PCDHGA2: variants seen among roughly 807,000 people sequenced by gnomAD.
PCDHGA2 encodes protocadherin gamma-A2.
A neutral mutation model predicts 59.2 loss-of-function variants in PCDHGA2; 40 were observed. The observed-to-expected ratio is 0.68, with a 90% CI of 0.52 to 0.88. PCDHGA2 has a LOEUF of 0.88. Ranked by LOEUF, PCDHGA2 falls within the 40% of genes least tolerant of loss-of-function variation. The pLI is 0.00. For synonymous variants in PCDHGA2, 560 were observed against 526.0 expected (o/e 1.06, Z -0.89); for missense variants, 1,226 against 1,204.0 (o/e 1.02, Z -0.27).
At chr5:141,505,302 G>A (rs1733345360) in intron 2 of PCDHGA2, 91 bp from the exon 3 acceptor site, 1 of 1,592,596 alleles carries the variant, frequency 6.3e-7, no homozygotes, top group Admixed American at 1.7e-5. Flanking sequence ...TAGGGTTAGG[G>A]TACTAGGTTT....
In PCDHGA2 at chr5:141,408,459, T is replaced by A; in HGVS notation, c.2424+67064T>A. 5 of 1,613,950 alleles carry A rather than the reference T, an allele frequency of 3.1e-6. No homozygotes were observed. The East Asian group carries it at 1.1e-4, about 36-fold the overall frequency. Reference sequence around the variant, plus strand: ...GACGCGGAGAGCGGGGACTTACTTGTGAAGAACCGAATAGACCGTGAGCAA... The same window carrying A: ...GACGCGGAGAGCGGGGACTTACTTGAGAAGAACCGAATAGACCGTGAGCAA... On this transcript the variant is annotated intron_variant, in intron 1 of 3. Transcript: ENST00000394576.
intron 1 of PCDHGA2, chr5:141,394,374 G>A: frequency 1.2e-6 from 2 of 1,614,172 alleles, no homozygotes; most frequent in South Asian, 1.1e-5. Flanking sequence ...GCAATCTTTC[G>A]ACTATGAGCA....
intron 1 of PCDHGA2, among the ~76,000 whole-genome samples, chr5:141,455,732 A>G (rs1056074268): frequency 6.6e-6 from 1 of 152,190 alleles, no homozygotes; most frequent in Non-Finnish European, 1.5e-5. Context: ...CTGCATTTGC[A>G]TATCAAAGGT....
At chr5:141,344,024 C>A (rs755324481) in intron 1 of PCDHGA2, 1 of 1,524,874 alleles carries the variant, frequency 6.6e-7, no homozygotes, top group South Asian at 1.3e-5. Context: ...AGCGATTCAC[C>A]GAAAAGGAAA....
Position 141,477,749 on chromosome 5 carries a change from C to T in PCDHGA2, c.2425-17058C>T. The stretch of plus-strand genomic sequence containing the variant: ...AGCTCATATCAGCGATGGGGGCACC[C>T]CGGTCCTAGCCACCAACATCAGCGT... On this transcript the variant is annotated intron_variant, in intron 1 of 3. Transcript: ENST00000394576. The surrounding 1 kb of genome is among the most constrained non-coding windows in gnomAD (Gnocchi z 4.9). 1 of 1,613,904 alleles carries T rather than the reference C, an allele frequency of 6.2e-7. No homozygotes were observed. Among genetic ancestry groups the T allele is most frequent in the Non-Finnish European group, 8.5e-7 (1 of 1,180,030 alleles).
At chr5:141,413,417 T>C in intron 1 of PCDHGA2, 18 of 1,614,086 alleles carry the variant, frequency 1.1e-5, no homozygotes, top group Non-Finnish European at 1.5e-5. Context: ...CTTTTCTCTC[T>C]GAACCCGCGC....
intron 1 of PCDHGA2, among the ~76,000 whole-genome samples, chr5:141,449,007 T>A (rs937327801): frequency 3.3e-5 from 5 of 152,116 alleles, no homozygotes; most frequent in African/African-American, 1.2e-4. Context: ...CTGTTTTTTT[T>A]AACAGTTGCT....
At position 141,494,885 on chromosome 5, in the gene PCDHGA2, G is replaced by T; in HGVS notation, c.2483+20G>T. The T allele has an allele frequency of 6.8e-6, 11 of 1,614,082 alleles. No homozygotes were observed. The highest frequency in any genetic ancestry group is 8.5e-6 in the Non-Finnish European group (10 of 1,179,992). Reference sequence around the variant, plus strand: ...CAGCGGGTAGGTGACTGATTCTCCAGCCCACCCTCTTCTCTGCGGCATTTT... The same window carrying T: ...CAGCGGGTAGGTGACTGATTCTCCATCCCACCCTCTTCTCTGCGGCATTTT... On this transcript the variant is annotated intron_variant, in intron 2 of 3. Transcript: ENST00000394576.
intron 1 of PCDHGA2, among the ~76,000 whole-genome samples, chr5:141,425,864 A>T (rs2096899427): frequency 6.6e-6 from 1 of 152,254 alleles, no homozygotes; most frequent in African/African-American, 2.4e-5. Flanking sequence ...TGTTCTATAG[A>T]TTCCCATCTC....
chr5:141,416,728 T>C (rs2096057160), intron 1 of PCDHGA2: 1 of 152,232 alleles, frequency 6.6e-6, no homozygotes, highest in Non-Finnish European at 1.5e-5. Context: ...GTTCATTTAG[T>C]TCAATGAAAA....
At position 141,485,727 on chromosome 5, in the gene PCDHGA2, G is replaced by T. The variant is rs773176318; in HGVS notation, c.2425-9080G>T. The T allele has an allele frequency of 3.1e-6, 5 of 1,614,196 alleles. No homozygotes were observed. In the Admixed American group the frequency reaches 5.0e-5, roughly 16 times the overall value. Reference sequence around the variant, plus strand: ...CACTTTGCACTGGATGTGAAGAAGCGCAGCGACGGCAGCCTGGTCCCAGAG... The same window carrying T: ...CACTTTGCACTGGATGTGAAGAAGCTCAGCGACGGCAGCCTGGTCCCAGAG... On this transcript the variant is annotated intron_variant, in intron 1 of 3. Transcript: ENST00000394576. The surrounding 1 kb of genome is among the most constrained non-coding windows in gnomAD (Gnocchi z 5.7).
chr5:141,366,573 C>G (rs1323314760), intron 1 of PCDHGA2: 1 of 1,614,252 alleles, frequency 6.2e-7, no homozygotes, highest in Admixed American at 1.7e-5. Context: ...GGGGTTCGGG[C>G]TTTCCTGCAG....
intron 2 of PCDHGA2, among the ~76,000 whole-genome samples, chr5:141,503,292 A>G (rs7710319): frequency 6.6e-6 from 1 of 151,928 alleles, no homozygotes; most frequent in African/African-American, 2.4e-5. Flanking sequence ...TGGTACATAG[A>G]AATTGCTCAA....
At chr5:141,414,567 T>C in intron 1 of PCDHGA2, 1 of 1,613,962 alleles carries the variant, frequency 6.2e-7, no homozygotes, top group Non-Finnish European at 8.5e-7. Context: ...ACTTTACCTA[T>C]ATCCCAGAGA....
intron 1 of PCDHGA2, chr5:141,385,631 G>A (rs539938751): frequency 7.4e-6 from 7 of 947,722 alleles, no homozygotes; most frequent in Middle Eastern, 4.4e-4. Flanking sequence ...GGAATGAATC[G>A]AGTCTTTCAT....
chr5:141,364,691 G>C (rs373731815), intron 1 of PCDHGA2: 6 of 1,613,878 alleles, frequency 3.7e-6, no homozygotes, highest in Non-Finnish European at 3.4e-6. Context: ...TGGAGTAGAA[G>C]TAGAAATAAT....
At chr5:141,482,999 T>G (rs1031397558) in intron 1 of PCDHGA2, among the ~76,000 whole-genome samples, 3 of 151,950 alleles carry the variant, frequency 2.0e-5, no homozygotes, top group Non-Finnish European at 2.9e-5. Flanking sequence ...GCAGGAGAAT[T>G]GCTTGAACCC....
At chr5:141,427,824 G>A (rs1298494092) in intron 1 of PCDHGA2, 5 of 1,535,458 alleles carry the variant, frequency 3.3e-6, no homozygotes, top group African/African-American at 1.4e-5. Flanking sequence ...GGTGGTGGTC[G>A]CGCAGCGTGC....
intron 1 of PCDHGA2, chr5:141,376,844 G>C (rs897403160): frequency 1.7e-5 from 4 of 242,114 alleles, no homozygotes; most frequent in Non-Finnish European, 3.2e-5. Context: ...CCGCCACCGC[G>C]CCCGGCTAAT....
Sources: allele counts gnomAD v4.1 joint callset (sites outside exome capture counted in the v4.1 genomes callset), GRCh38; gene constraint gnomAD v4.1.1; non-coding constraint Gnocchi (gnomAD v3.1); transcripts MANE v1.5; gene names NCBI Gene and HGNC (gene_info 2026-07-23, HGNC 2026-07-21).